The following TOP1MT variants were observed in gnomAD, a reference collection of about 807,000 sequenced individuals.
TOP1MT encodes the protein DNA topoisomerase I mitochondrial, also known as DNA topoisomerase I, mitochondrial.
Under a neutral mutation model 73.9 loss-of-function variants are expected in TOP1MT, and 80 were observed. The ratio of observed to expected loss-of-function variants is 1.08; its 90% CI spans 0.90 to 1.30. TOP1MT has a LOEUF of 1.30. Ranked by LOEUF, TOP1MT falls within the 50% of genes most tolerant of loss-of-function variation. The probability of loss-of-function intolerance (pLI) is 0.00; values close to 1 mark genes in which losing one functional copy is unlikely to be tolerated. For missense variants in TOP1MT, 815 were observed against 808.0 expected (o/e 1.01, Z -0.10); for synonymous variants, 338 against 326.4 (o/e 1.04, Z -0.38).
chr8:143,354,846 A>T (rs1817381431), intron 1 of TOP1MT, among the ~76,000 whole-genome samples: 1 of 152,204 alleles, frequency 6.6e-6, no homozygotes. Context: ...GCATGGTCAG[A>T]CCACACTTAA....
intron 7 of TOP1MT, among the ~76,000 whole-genome samples, chr8:143,321,745 C>CAG (rs1816392028): frequency 7.7e-6 from 1 of 130,648 alleles, no homozygotes; most frequent in Non-Finnish European, 1.6e-5. Context: ...ACGCCACACA[C>CAG]GCACGCCACA....
intron 8 of TOP1MT, among the ~76,000 whole-genome samples, chr8:143,319,423 G>A (rs563062520): frequency 6.6e-6 from 1 of 152,104 alleles, no homozygotes; most frequent in South Asian, 2.1e-4. Context: ...CCCTCCCAAG[G>A]TGTCTGGACT....
At chr8:143,347,348 G>GAT (rs1817242286), upstream of TOP1MT, among the ~76,000 whole-genome samples, 1 of 152,134 alleles carries the variant, frequency 6.6e-6, no homozygotes, top group African/African-American at 2.4e-5. Flanking sequence ...GTAGAGACAG[G>GAT]GTTTCACCAT....
chr8:143,319,530 G>A (rs990299514), intron 8 of TOP1MT, among the ~76,000 whole-genome samples: 18 of 152,000 alleles, frequency 1.2e-4, no homozygotes, highest in Non-Finnish European at 1.6e-4. Context: ...GCGACGTGGC[G>A]CCCACCCAGA....
intron 8 of TOP1MT, among the ~76,000 whole-genome samples, chr8:143,320,278 G>A (rs928478805): frequency 6.6e-6 from 1 of 151,930 alleles, no homozygotes. Flanking sequence ...ATAGGCGCTC[G>A]CCACGATGCC....
chr8:143,317,981 C>T, intron 9 of TOP1MT, 37 bp downstream of exon 9: 1 of 1,611,298 alleles, frequency 6.2e-7, no homozygotes, highest in Non-Finnish European at 8.5e-7. Context: ...CTGGGTCCTG[C>T]CGCCGCCCAC....
intron 12 of TOP1MT, among the ~76,000 whole-genome samples, chr8:143,315,360 T>A (rs1010367368): frequency 6.6e-6 from 1 of 151,890 alleles, no homozygotes; most frequent in Non-Finnish European, 1.5e-5. Context: ...TAAACTGTTC[T>A]CTCTCTCTCT....
rs2130403478 is a variant in TOP1MT, at chr8:143,341,537, C to T, written c.29+1683G>A. Reference sequence around the variant, plus strand: ...AGGAGGAGGGAAGGTTCACCTTCCCCACCCCAGCAATGGCTGCCCTCCATG... The same window carrying T: ...AGGAGGAGGGAAGGTTCACCTTCCCTACCCCAGCAATGGCTGCCCTCCATG... On this transcript the variant is annotated intron_variant, in intron 2 of 5. Coordinates refer to the TOP1MT transcript ENST00000518007. The surrounding 1 kb of genome is among the most constrained non-coding windows in gnomAD (Gnocchi z 4.1). Among the ~76,000 whole-genome samples the T allele has an allele frequency of 6.6e-6, 1 of 152,386 alleles. No individual in the cohort carries two copies. Among genetic ancestry groups the T allele is most frequent in the East Asian group, 1.9e-4 (1 of 5,186 alleles).
At chr8:143,356,836 G>A (rs1428298018), upstream of TOP1MT, among the ~76,000 whole-genome samples, 1 of 145,538 alleles carries the variant, frequency 6.9e-6, no homozygotes, top group Admixed American at 6.9e-5. Flanking sequence ...GCTCACGCCT[G>A]TAATCCCAGC....
At chr8:143,343,850 C>A (rs901154467) in intron 1 of TOP1MT, 1 of 154,402 alleles carries the variant, frequency 6.5e-6, no homozygotes, top group Non-Finnish European at 1.4e-5. Flanking sequence ...GCACCAGGCA[C>A]CCCGGTCTGA....
intron 1 of TOP1MT, among the ~76,000 whole-genome samples, chr8:143,353,119 A>C (rs1447250526): frequency 6.6e-6 from 1 of 152,220 alleles, no homozygotes; most frequent in Non-Finnish European, 1.5e-5. Context: ...TAATCCAATT[A>C]AAACCAGGTA....
At chr8:143,326,165 C>A (rs1305327431) in intron 4 of TOP1MT, 57 bp downstream of exon 4, 4 of 1,598,486 alleles carry the variant, frequency 2.5e-6, no homozygotes, top group Non-Finnish European at 3.4e-6. Flanking sequence ...TTGGGCCAGG[C>A]CGGCCTCTCG....
At chr8:143,333,139 C>G (rs1032946033) in intron 1 of TOP1MT, among the ~76,000 whole-genome samples, 4 of 151,562 alleles carry the variant, frequency 2.6e-5, no homozygotes, top group Non-Finnish European at 4.4e-5. Flanking sequence ...TGGGAAACCA[C>G]GTGTATCTCG....
At chr8:143,324,960 T>C (rs1586764739) in intron 5 of TOP1MT, among the ~76,000 whole-genome samples, 1 of 152,050 alleles carries the variant, frequency 6.6e-6, no homozygotes, top group African/African-American at 2.4e-5. Flanking sequence ...GCAGGCAGGG[T>C]CCCTACTCCA....
At chr8:143,331,423 G>T in intron 1 of TOP1MT, 84 bp from the exon 2 acceptor site, 1 of 1,200,344 alleles carries the variant, frequency 8.3e-7, no homozygotes, top group Non-Finnish European at 1.2e-6. Context: ...GCTCCTCCCT[G>T]TGGCTCCTAG....
intron 7 of TOP1MT, among the ~76,000 whole-genome samples, chr8:143,322,063 CCA>C (rs1203097464): frequency 2.2e-5 from 2 of 92,022 alleles, no homozygotes; most frequent in African/African-American, 7.2e-5. Flanking sequence ...CACAGGCACG[CCA>C]CACACGCACG....
At chr8:143,324,738 A>T (rs1183610807) in intron 5 of TOP1MT, 109 bp from the exon 6 acceptor site, 3 of 1,387,464 alleles carry the variant, frequency 2.2e-6, no homozygotes, top group African/African-American at 1.4e-5. Flanking sequence ...TGGTGGTGGC[A>T]TGGCTCCTGA....
upstream of TOP1MT, among the ~76,000 whole-genome samples, chr8:143,345,248 A>G (rs1249845340): frequency 1.3e-5 from 2 of 152,170 alleles, no homozygotes; most frequent in African/African-American, 4.8e-5. Context: ...GGGCAGAGCC[A>G]CGCACTGAGG....
chr8:143,325,990 C>T (rs920812626), intron 4 of TOP1MT, among the ~76,000 whole-genome samples: 1 of 152,210 alleles, frequency 6.6e-6, no homozygotes, highest in African/African-American at 2.4e-5. Context: ...GGAACCCACC[C>T]TTGATCAATG....
Sources: allele counts gnomAD v4.1 joint callset (sites outside exome capture counted in the v4.1 genomes callset), GRCh38; gene constraint gnomAD v4.1.1; non-coding constraint Gnocchi (gnomAD v3.1); transcripts MANE v1.5; gene names NCBI Gene and HGNC (gene_info 2026-07-23, HGNC 2026-07-21).